The following DPYD variants were observed in gnomAD, a reference collection of about 807,000 sequenced individuals.
DPYD encodes the protein dihydropyrimidine dehydrogenase [NADP(+)].
Under a neutral mutation model 116.2 loss-of-function variants are expected in DPYD, and 109 were observed. The observed-to-expected ratio is 0.94, with a 90% confidence interval of 0.80 to 1.10. The LOEUF is 1.10. Ranked by LOEUF, DPYD falls within the 50% of genes least tolerant of loss-of-function variation. DPYD has a pLI of 0.00. For missense variants in DPYD, 1,302 were observed against 1,254.5 expected, an observed-to-expected ratio of 1.04 and a Z score of -0.57; for synonymous variants, 440 against 432.0, an observed-to-expected ratio of 1.02 and a Z score of -0.23.
chr1:97,365,849 G>A (rs1671006067), intron 16 of DPYD, among the ~76,000 whole-genome samples: 1 of 152,122 alleles, frequency 6.6e-6, no homozygotes, highest in South Asian at 2.1e-4. Flanking sequence ...GCCCAGGCTG[G>A]TCTCAAACTC....
chr1:97,184,689 C>G (rs967558719), intron 20 of DPYD, among the ~76,000 whole-genome samples: 5 of 152,012 alleles, frequency 3.3e-5, no homozygotes, highest in Non-Finnish European at 5.9e-5. Flanking sequence ...TTCATTGTTC[C>G]AATTGTTCAT....
rs148306776 is a variant in DPYD at position 97,860,119 on chromosome 1, G to A, written c.150+23145C>T. 1.4e-3 allele frequency among the ~76,000 whole-genome samples: 213 copies of A among 152,152 alleles called. 1 individual carries two copies. The highest frequency in any genetic ancestry group is 4.9e-3 in the African/African-American group (203 of 41,532). Reference sequence around the variant, plus strand: ...GCACTTTGGGAGGCCAAGGCAGGCCGATCACTTGAGTCCAAGAGTTTGAGA... The same window carrying A: ...GCACTTTGGGAGGCCAAGGCAGGCCAATCACTTGAGTCCAAGAGTTTGAGA... On this transcript the variant is annotated intron_variant, in intron 2 of 22. Coordinates refer to ENST00000370192, the MANE Select transcript of DPYD (RefSeq NM_000110.4).
At chr1:97,850,950 A>T (rs1670539262) in intron 2 of DPYD, among the ~76,000 whole-genome samples, 1 of 152,030 alleles carries the variant, frequency 6.6e-6, no homozygotes, top group South Asian at 2.1e-4. Flanking sequence ...TCACAGAAAA[A>T]AATGAATTGT....
intron 20 of DPYD, among the ~76,000 whole-genome samples, chr1:97,172,890 ACAGTGTTTT>A (rs1656835276): frequency 6.6e-6 from 1 of 152,158 alleles, no homozygotes; most frequent in African/African-American, 2.4e-5. Flanking sequence ...CATAAACCTT[ACAGTGTTTT>A]CATCCCTCAA....
chr1:97,828,334 T>G (rs571858200), intron 2 of DPYD, 138 bp from the exon 3 acceptor site: 1 of 709,952 alleles, frequency 1.4e-6, no homozygotes, highest in South Asian at 1.7e-5. Flanking sequence ...TTGGGTAGCA[T>G]TCATTAAAAT....
At chr1:97,279,135 C>G (rs530865672) in intron 18 of DPYD, among the ~76,000 whole-genome samples, 1 of 152,152 alleles carries the variant, frequency 6.6e-6, no homozygotes. Flanking sequence ...AGTGGTGAAT[C>G]TGTAAGACAT....
At chr1:97,475,225 T>C (rs1677886853) in intron 13 of DPYD, among the ~76,000 whole-genome samples, 1 of 152,092 alleles carries the variant, frequency 6.6e-6, no homozygotes, top group African/African-American at 2.4e-5. Flanking sequence ...TCAATTGACA[T>C]AGGATAATTG....
Position 97,709,823 on chromosome 1 carries a change from A to C in DPYD, c.484-10276T>G, listed in dbSNP as rs563211643. Among the ~76,000 whole-genome samples, 3 of 152,016 alleles carry C rather than the reference A, an allele frequency of 2.0e-5. No homozygotes were observed. The South Asian group carries it at 6.2e-4, about 31-fold the overall frequency. Reference sequence around the variant, plus strand: ...TTGCTTGTTTTAACCCTTCTTGCTAAGAGTATATAATGAAAATAAACATAA... The same window carrying C: ...TTGCTTGTTTTAACCCTTCTTGCTACGAGTATATAATGAAAATAAACATAA... On this transcript the variant is annotated intron_variant, in intron 5 of 22. Transcript: ENST00000370192.
chr1:97,821,331 C>CAA (rs35940342), intron 3 of DPYD, among the ~76,000 whole-genome samples: 1,372 of 113,694 alleles, frequency 0.012, 26 homozygotes, highest in African/African-American at 0.025. Context: ...AACTCCACCT[C>CAA]AAAAAAAAAA....
chr1:97,349,129 T>G (rs925085515), intron 16 of DPYD, among the ~76,000 whole-genome samples: 13 of 152,154 alleles, frequency 8.5e-5, no homozygotes, highest in African/African-American at 3.1e-4. Context: ...TCCTGCAGTT[T>G]CCTGATCTAG....
intron 14 of DPYD, among the ~76,000 whole-genome samples, chr1:97,409,201 G>T (rs116677796): frequency 6.6e-6 from 1 of 151,944 alleles, no homozygotes; most frequent in Non-Finnish European, 1.5e-5. Context: ...AACATTTTCC[G>T]TAAAGATTTT....
At chr1:97,379,218 C>T (rs958721760) in intron 15 of DPYD, among the ~76,000 whole-genome samples, 2 of 151,978 alleles carry the variant, frequency 1.3e-5, no homozygotes, top group African/African-American at 4.8e-5. Context: ...AAGAAGGCAG[C>T]GGGATCTGGA....
At chr1:97,361,795 A>G (rs953531880) in intron 16 of DPYD, among the ~76,000 whole-genome samples, 1 of 152,210 alleles carries the variant, frequency 6.6e-6, no homozygotes, top group Non-Finnish European at 1.5e-5. Flanking sequence ...GTATTGATGG[A>G]ACATATCTCA....
At chr1:97,296,752 A>G (rs913143380) in intron 18 of DPYD, among the ~76,000 whole-genome samples, 1 of 151,798 alleles carries the variant, frequency 6.6e-6, no homozygotes, top group Non-Finnish European at 1.5e-5. Flanking sequence ...TTCAAATTTT[A>G]AAAAAAACAT....
chr1:97,484,844 T>C (rs1678530260), intron 13 of DPYD, among the ~76,000 whole-genome samples: 1 of 152,222 alleles, frequency 6.6e-6, no homozygotes, highest in Non-Finnish European at 1.5e-5. Context: ...GGAGTTAGTA[T>C]ATTGTACTGT....
At chr1:97,303,954 CAA>C (rs1414523045) in intron 18 of DPYD, among the ~76,000 whole-genome samples, 2 of 151,992 alleles carry the variant, frequency 1.3e-5, no homozygotes, top group African/African-American at 4.8e-5. Context: ...GACTGCAACA[CAA>C]AAGACTTTTT....
rs377221676 is a variant in DPYD, at chr1:97,082,471, C to T, written c.2767-1G>A. 9.9e-6 allele frequency: 16 copies of T among 1,613,072 alleles called. No individual in the cohort carries two copies. Among genetic ancestry groups the T allele is most frequent in the Non-Finnish European group, 1.4e-5 (16 of 1,179,450 alleles). On this transcript the variant is annotated splice_acceptor_variant, in intron 21 of 22. Transcript: ENST00000370192. LOFTEE classifies it high-confidence loss of function. Reference sequence around the variant, plus strand: ...ACTGCAGTGCTTTTCCTATTACATCCTAAAAATAGCCACTGAATTACTTAG... The same window carrying T: ...ACTGCAGTGCTTTTCCTATTACATCTTAAAAATAGCCACTGAATTACTTAG...
At chr1:97,300,721 G>A (rs760280761) in intron 18 of DPYD, among the ~76,000 whole-genome samples, 16 of 152,048 alleles carry the variant, frequency 1.1e-4, no homozygotes, top group African/African-American at 3.6e-4. Flanking sequence ...CACTGGATTT[G>A]TGTTTACGTA....
chr1:97,640,000 A>G (rs1162340549), intron 8 of DPYD, among the ~76,000 whole-genome samples: 3 of 152,172 alleles, frequency 2.0e-5, no homozygotes, highest in Non-Finnish European at 4.4e-5. Context: ...TGTTTTTGCC[A>G]TATCACAAAT....
Sources: gnomAD v4.1 joint callset for allele counts (sites outside exome capture counted in the v4.1 genomes callset) on GRCh38, gnomAD v4.1.1 for gene constraint, MANE v1.5 for transcripts, NCBI Gene and HGNC (gene_info 2026-07-23, HGNC 2026-07-21) for gene names.